Variants in KDM1B observed in about 807,000 individuals in gnomAD.
KDM1B encodes the protein lysine demethylase 1B, also known as lysine-specific histone demethylase 2.
KDM1B carries 63 observed loss-of-function variants against 107.4 expected under a neutral mutation model. That is an observed-to-expected ratio of 0.59 (90% CI 0.48 to 0.72). The LOEUF (loss-of-function observed/expected upper bound fraction) is 0.72. KDM1B is among the 30% of genes least tolerant of loss of function. KDM1B has a pLI of 0.00. For synonymous variants in KDM1B, 363 were observed against 363.9 expected, an observed-to-expected ratio of 1.00 and a Z score of 0.03; for missense variants, 749 against 1,020.8, an observed-to-expected ratio of 0.73 and a Z score of 3.63.
rs1236419080 is a variant in KDM1B, at chr6:18,155,931, GC to G, written c.-14+9del. The G allele has an allele frequency of 6.6e-6, 1 of 152,176 alleles. No homozygotes were observed. Among genetic ancestry groups the G allele is most frequent in the African/African-American group, 2.4e-5 (1 of 41,446 alleles). The allele number at this position is 152,176 out of a possible 1,614,324, so 9.4% of individuals were successfully genotyped here. A position where few individuals can be genotyped will look rare whatever the true frequency, so the allele number is the denominator to read the frequency against. ...CGGCACCTCTTCAGCGCAAAGGTGAGCCCCGGGGCAGTTGCTTCTCCGACTT... is the reference window on the plus strand; with the variant it reads ...CGGCACCTCTTCAGCGCAAAGGTGAGCCCGGGGCAGTTGCTTCTCCGACTT... On this transcript the variant is annotated splice_donor_region_variant and intron_variant, in intron 2 of 21. Transcript: ENST00000650836. This position sits in a 1 kb window ranked among gnomAD's most constrained non-coding sequence, Gnocchi z 6.2.
At position 18,213,456 on chromosome 6, in the gene KDM1B, AAAAC is replaced by A. The variant is rs1161061169; in HGVS notation, c.1984-196_1984-193del. Among the ~76,000 whole-genome samples, 6 of 152,042 alleles carry A rather than the reference AAAAC, an allele frequency of 3.9e-5. No homozygotes were observed. In the East Asian group the frequency reaches 9.7e-4, roughly 25 times the overall value. On this transcript the variant is annotated intron_variant, in intron 18 of 21. Coordinates refer to ENST00000650836, the MANE Select transcript of KDM1B (RefSeq NM_001364614.2). The surrounding 1 kb of genome is among the most constrained non-coding windows in gnomAD (Gnocchi z 5.9). The stretch of plus-strand genomic sequence containing the variant: ...CGTCTCAAAAAAAAAAAAAACCCAA[AAAAC>A]AAAACAAAACAAAAAACAACCAAGG...
Position 18,187,916 on chromosome 6 carries a change from C to T in KDM1B, c.698C>T (p.Ser233Phe). 2 of 1,550,492 alleles carry T rather than the reference C, an allele frequency of 1.3e-6. No homozygotes were observed. Among genetic ancestry groups the T allele is most frequent in the Non-Finnish European group, 1.7e-6 (2 of 1,146,998 alleles). The change falls in exon 9 of 22, where the codon TCC becomes TTC. Residue 233 changes from serine (S) to phenylalanine (F), a missense_variant. Coordinates refer to ENST00000650836, the MANE Select transcript of KDM1B (RefSeq NM_001364614.2). ...YYPDCVGMSP[S>F]CTSTNRAAAT... Reference sequence around the variant, plus strand: ...CCTGACTGTGTTGGCATGAGCCCCTCCTGCACCAGCACAAACCGCGCCGCT... The same window carrying T: ...CCTGACTGTGTTGGCATGAGCCCCTTCTGCACCAGCACAAACCGCGCCGCT...
At chr6:18,166,759 T>C (rs1258289329) in intron 6 of KDM1B, among the ~76,000 whole-genome samples, 1 of 151,522 alleles carries the variant, frequency 6.6e-6, no homozygotes, top group Admixed American at 6.6e-5. Context: ...CAGGTTGAGG[T>C]TGGGGAATTG....
At chr6:18,194,552 C>G (rs777419289) in intron 10 of KDM1B, among the ~76,000 whole-genome samples, 3 of 152,188 alleles carry the variant, frequency 2.0e-5, no homozygotes, top group Non-Finnish European at 4.4e-5. Flanking sequence ...GCAAACCTCC[C>G]TTTGTTCTTA....
In KDM1B at chr6:18,213,857, C is replaced by T; in HGVS notation, c.2109+76C>T. On this transcript the variant is annotated intron_variant, in intron 19 of 21. Transcript: ENST00000650836. The surrounding 1 kb of genome is among the most constrained non-coding windows in gnomAD (Gnocchi z 5.9). ...TTTGATGTGATAATTACTCACCTAT[C>T]AAGCTCAGGAACTAACGAACATCAT... The T allele has an allele frequency of 6.6e-7, 1 of 1,521,754 alleles. No individual in the cohort carries two copies. The highest frequency in any genetic ancestry group is 9.1e-7 in the Non-Finnish European group (1 of 1,100,424). The allele number at this position is 1,521,754 out of a possible 1,614,324, so 94.3% of individuals were successfully genotyped here. A position where few individuals can be genotyped will look rare whatever the true frequency, so the allele number is the denominator to read the frequency against.
chr6:18,210,757 G>T (rs1354216970), intron 17 of KDM1B, among the ~76,000 whole-genome samples: 1 of 152,080 alleles, frequency 6.6e-6, no homozygotes, highest in Admixed American at 6.5e-5. Context: ...ACAGCACTTC[G>T]GGAGGCTGAG....
rs183857963 is a variant in KDM1B, at chr6:18,201,118, A to G, written c.1360-368A>G. Among the ~76,000 whole-genome samples, 32 of 152,332 alleles carry G rather than the reference A, an allele frequency of 2.1e-4. No homozygotes were observed. The East Asian group carries it at 5.2e-3, about 25-fold the overall frequency. On this transcript the variant is annotated intron_variant, in intron 13 of 21. Transcript: ENST00000650836. The surrounding 1 kb of genome is among the most constrained non-coding windows in gnomAD (Gnocchi z 4.3). ...TTTATTGATGGTCAATTCAATTTCA[A>G]CTTCTGCTATGAGTGTTTGTGTGTT... is the stretch of plus-strand genomic sequence containing the variant.
rs992090896 is a variant in KDM1B at position 18,211,127 on chromosome 6, A to T, written c.1867-1361A>T. On this transcript the variant is annotated intron_variant, in intron 17 of 21. Coordinates refer to ENST00000650836, the MANE Select transcript of KDM1B (RefSeq NM_001364614.2). The surrounding 1 kb of genome is among the most constrained non-coding windows in gnomAD (Gnocchi z 5.2). ...GTAATTATCTATAAATAGATTATAA[A>T]CTTCTTGATGATAGAGAGCATATTT... Among the ~76,000 whole-genome samples the T allele has an allele frequency of 1.3e-5, 2 of 151,766 alleles. No individual in the cohort carries two copies. The highest frequency in any genetic ancestry group is 2.4e-5 in the African/African-American group (1 of 41,038).
At chr6:18,184,054 G>T (rs930850270) in intron 7 of KDM1B, among the ~76,000 whole-genome samples, 1 of 151,792 alleles carries the variant, frequency 6.6e-6, no homozygotes, top group Non-Finnish European at 1.5e-5. Flanking sequence ...ATGAATTTTC[G>T]CCAAGTACTC....
chr6:18,166,864 A>T (rs1397948186), intron 6 of KDM1B, among the ~76,000 whole-genome samples: 1 of 151,962 alleles, frequency 6.6e-6, no homozygotes, highest in Non-Finnish European at 1.5e-5. Context: ...AAAAAAAAAA[A>T]AATGGTTTTA....
In KDM1B at chr6:18,172,849, G is replaced by A. The variant is rs968620366; in HGVS notation, c.534+1370G>A. ...TCACACCTGTAATCCCAGCACTTTG[G>A]GAGGCCGAGATGGGCGGATCACCCG... is the stretch of plus-strand genomic sequence containing the variant. On this transcript the variant is annotated intron_variant, in intron 7 of 21. Transcript: ENST00000650836. The surrounding 1 kb of genome is among the most constrained non-coding windows in gnomAD (Gnocchi z 5.2). Among the ~76,000 whole-genome samples, 2 of 152,044 alleles carry A rather than the reference G, an allele frequency of 1.3e-5. No homozygotes were observed. The highest frequency in any genetic ancestry group is 4.8e-5 in the African/African-American group (2 of 41,398).
chr6:18,160,828 CTTTTTT>C (rs3077192), intron 3 of KDM1B, among the ~76,000 whole-genome samples: 1 of 123,258 alleles, frequency 8.1e-6, no homozygotes, highest in Non-Finnish European at 1.6e-5. Context: ...ACTCATGTCA[CTTTTTT>C]TTTTTTTTTT....
At chr6:18,210,349 T>C (rs76600895) in intron 17 of KDM1B, among the ~76,000 whole-genome samples, 1 of 44,676 alleles carries the variant, frequency 2.2e-5, no homozygotes, top group African/African-American at 9.2e-5. Flanking sequence ...TTTCTTTTTT[T>C]TTTTTTTTTT....
chr6:18,182,982 T>G (rs1393042462), intron 7 of KDM1B, among the ~76,000 whole-genome samples: 1 of 152,226 alleles, frequency 6.6e-6, no homozygotes, highest in African/African-American at 2.4e-5. Context: ...GTGCTATTTT[T>G]GAGTATATTT....
Position 18,201,661 on chromosome 6 carries a change from TG to T in KDM1B, c.1531+8del. On this transcript the variant is annotated splice_donor_5th_base_variant and intron_variant, in intron 14 of 21. Coordinates refer to ENST00000650836, the MANE Select transcript of KDM1B (RefSeq NM_001364614.2). The surrounding 1 kb of genome is among the most constrained non-coding windows in gnomAD (Gnocchi z 4.3). ...CTCCAAGATGTCCCTTTAGGAGGTA[TG>T]GGGAGAACGGTGTTCTGATTGTTCC... The T allele has an allele frequency of 6.5e-7, 1 of 1,544,322 alleles. No individual in the cohort carries two copies. Among genetic ancestry groups the T allele is most frequent in the Non-Finnish European group, 8.7e-7 (1 of 1,144,670 alleles).
At chr6:18,218,278 G>C (rs1212260363) in intron 21 of KDM1B, among the ~76,000 whole-genome samples, 1 of 151,984 alleles carries the variant, frequency 6.6e-6, no homozygotes, top group Non-Finnish European at 1.5e-5. Flanking sequence ...GTGCCACCAA[G>C]CCTGGCTAAT....
intron 5 of KDM1B, among the ~76,000 whole-genome samples, chr6:18,165,127 G>GCTTT (rs1276116318): frequency 2.0e-5 from 1 of 49,700 alleles, no homozygotes; most frequent in Admixed American, 2.7e-4. Flanking sequence ...TGCCTTCTCT[G>GCTTT]ATTTTTTTTT....
Position 18,201,663 on chromosome 6 carries a change from G to T in KDM1B, c.1531+6G>T. Reference sequence around the variant, plus strand: ...CCAAGATGTCCCTTTAGGAGGTATGGGGAGAACGGTGTTCTGATTGTTCCA... The same window carrying T: ...CCAAGATGTCCCTTTAGGAGGTATGTGGAGAACGGTGTTCTGATTGTTCCA... On this transcript the variant is annotated splice_donor_region_variant and intron_variant, in intron 14 of 21. Transcript: ENST00000650836. This position sits in a 1 kb window ranked among gnomAD's most constrained non-coding sequence, Gnocchi z 4.3. 1 of 1,542,226 alleles carries T rather than the reference G, an allele frequency of 6.5e-7. No individual in the cohort carries two copies.
rs1177094784 is a variant in KDM1B at position 18,214,247 on chromosome 6, G to C, written c.2109+466G>C. ...CTGGACGGGGGTGGTCACTTTCTCT[G>C]CCGTCATGTCACTGCCACACGAAAG... is the stretch of plus-strand genomic sequence containing the variant. On this transcript the variant is annotated intron_variant, in intron 19 of 21. Coordinates refer to ENST00000650836, the MANE Select transcript of KDM1B (RefSeq NM_001364614.2). The surrounding 1 kb of genome is among the most constrained non-coding windows in gnomAD (Gnocchi z 4.4). 6.6e-6 allele frequency among the ~76,000 whole-genome samples: 1 copy of C among 152,186 alleles called. No homozygotes were observed. Among genetic ancestry groups the C allele is most frequent in the African/African-American group, 2.4e-5 (1 of 41,442 alleles).
Sources: allele counts gnomAD v4.1 joint callset (sites outside exome capture counted in the v4.1 genomes callset), GRCh38; gene constraint gnomAD v4.1.1; non-coding constraint Gnocchi (gnomAD v3.1); transcripts MANE v1.5; gene names NCBI Gene and HGNC (gene_info 2026-07-23, HGNC 2026-07-21).